The following DGKB variants were observed in gnomAD, a reference collection of about 807,000 sequenced individuals.
DGKB encodes the protein diacylglycerol kinase beta, also known as 90 kDa diacylglycerol kinase.
In DGKB, 67 loss-of-function variants were observed where a neutral mutation model predicts 114.3. The ratio of observed to expected loss-of-function variants is 0.59; its 90% CI spans 0.48 to 0.72. DGKB has a LOEUF of 0.72. Ranked by LOEUF, DGKB falls within the 30% of genes least tolerant of loss-of-function variation. The probability of loss-of-function intolerance (pLI) is 0.00; values close to 1 mark genes in which losing one functional copy is unlikely to be tolerated. For missense variants in DGKB, 907 were observed against 975.2 expected (o/e 0.93, Z 0.93); for synonymous variants, 398 against 323.1 (o/e 1.23, Z -2.49).
chr7:14,525,554 G>T (rs1002649978), intron 20 of DGKB, among the ~76,000 whole-genome samples: 1 of 152,034 alleles, frequency 6.6e-6, no homozygotes, highest in African/African-American at 2.4e-5. Context: ...CTAATGATTG[G>T]GTACATGTCC....
chr7:14,204,711 C>T, intron 23 of DGKB, among the ~76,000 whole-genome samples: 1 of 151,952 alleles, frequency 6.6e-6, no homozygotes, highest in East Asian at 1.9e-4. Flanking sequence ...TAGCCAAGAC[C>T]TGTGTTGTCA....
chr7:14,485,075 T>C (rs935764019), intron 20 of DGKB, among the ~76,000 whole-genome samples: 10 of 137,252 alleles, frequency 7.3e-5, no homozygotes, highest in South Asian at 4.9e-4. Flanking sequence ...AAAATGATAA[T>C]TACTGAAAGA....
chr7:14,477,860 C>T (rs1231601800), intron 21 of DGKB, among the ~76,000 whole-genome samples: 1 of 152,070 alleles, frequency 6.6e-6, no homozygotes. Flanking sequence ...TCATATACGT[C>T]ATGAAAACTT....
intron 3 of DGKB, among the ~76,000 whole-genome samples, chr7:14,756,237 A>G (rs1834847720): frequency 6.6e-6 from 1 of 152,044 alleles, no homozygotes; most frequent in African/African-American, 2.4e-5. Context: ...ATTGTTGTGA[A>G]TATAAATATT....
chr7:14,538,108 A>G (rs1792829752), intron 20 of DGKB, among the ~76,000 whole-genome samples: 1 of 149,618 alleles, frequency 6.7e-6, no homozygotes, highest in Non-Finnish European at 1.5e-5. Context: ...AAAAAAAAAA[A>G]AAATGGGACT....
Position 14,640,760 on chromosome 7 carries a change from T to C in DGKB, c.1135-10492A>G, listed in dbSNP as rs1811623471. Among the ~76,000 whole-genome samples the C allele has an allele frequency of 2.0e-5, 3 of 152,170 alleles. No homozygotes were observed. The South Asian group carries it at 6.2e-4, about 31-fold the overall frequency. On this transcript the variant is annotated intron_variant, in intron 13 of 25. Transcript: ENST00000402815. ...GTAAAAGTTGAGAATAAACAAGCCA[T>C]ATTTAATAGTAAAACAGAGAAAGTC...
intron 21 of DGKB, among the ~76,000 whole-genome samples, chr7:14,392,995 G>GTTTTTGTTTTTTTTTTTGTTTTT: frequency 1.7e-5 from 1 of 60,546 alleles, no homozygotes; most frequent in Non-Finnish European, 3.4e-5. Flanking sequence ...TTTTGTTTTT[G>GTTTTTGTTTTTTTTTTTGTTTTT]TTTTTTTTTT....
intron 2 of DGKB, among the ~76,000 whole-genome samples, chr7:14,823,380 T>C (rs1347522851): frequency 1.3e-5 from 2 of 152,084 alleles, no homozygotes; most frequent in Non-Finnish European, 2.9e-5. Flanking sequence ...ACATAGAATG[T>C]TTTTGCTCTG....
At chr7:14,319,136 G>T (rs1585110452) in intron 23 of DGKB, among the ~76,000 whole-genome samples, 2 of 140,696 alleles carry the variant, frequency 1.4e-5, no homozygotes, top group East Asian at 2.3e-4. Context: ...GGGGACTGTT[G>T]TGGGGTGAGG....
intron 23 of DGKB, among the ~76,000 whole-genome samples, chr7:14,207,471 C>G (rs1787020876): frequency 1.3e-5 from 2 of 151,940 alleles, no homozygotes. Flanking sequence ...CTGTGCCCAG[C>G]TTCTCTGTGG....
chr7:14,837,434 C>T (rs2128132303), intron 2 of DGKB, among the ~76,000 whole-genome samples: 1 of 152,256 alleles, frequency 6.6e-6, no homozygotes, highest in South Asian at 2.1e-4. Context: ...TGAGCTCACT[C>T]ATCTTGCCCA....
At chr7:14,738,480 A>C (rs1832075129) in intron 4 of DGKB, among the ~76,000 whole-genome samples, 3 of 152,316 alleles carry the variant, frequency 2.0e-5, no homozygotes, top group African/African-American at 4.8e-5. Flanking sequence ...TCTGTGCCTC[A>C]ATTTCTTCAT....
intron 20 of DGKB, among the ~76,000 whole-genome samples, chr7:14,520,501 C>T (rs933616434): frequency 1.3e-4 from 19 of 151,874 alleles, no homozygotes; most frequent in African/African-American, 4.3e-4. Flanking sequence ...AGCTACCTTG[C>T]ATAAAGTTTT....
At chr7:14,747,615 T>C (rs1033820060) in intron 4 of DGKB, among the ~76,000 whole-genome samples, 3 of 152,154 alleles carry the variant, frequency 2.0e-5, no homozygotes, top group African/African-American at 7.2e-5. Context: ...ATTGCTGTCA[T>C]GTAACAGCAT....
chr7:14,769,070 T>TAAGAAAGAAAGAAA lies in DGKB; in HGVS notation c.71-11353_71-11340dup, dbSNP rs1436749961. Among the ~76,000 whole-genome samples, 3 of 84,310 alleles carry TAAGAAAGAAAGAAA rather than the reference T, an allele frequency of 3.6e-5. No individual in the cohort carries two copies. In the Admixed American group the frequency reaches 4.3e-4, roughly 12 times the overall value. The allele number at this position is 84,310 out of a possible 152,430, so 55.3% of individuals were successfully genotyped here. A position where few individuals can be genotyped will look rare whatever the true frequency, so the allele number is the denominator to read the frequency against. On this transcript the variant is annotated intron_variant, in intron 2 of 25. Coordinates refer to ENST00000402815, the MANE Select transcript of DGKB (RefSeq NM_001350709.2). Reference sequence around the variant, plus strand: ...TACACTGTGTAAACATTTTTAAAGATAAGAAAGAAAGAAAGAAAGAAAGAA... The same window carrying TAAGAAAGAAAGAAA: ...TACACTGTGTAAACATTTTTAAAGATAAGAAAGAAAGAAAAAGAAAGAAAGAAAGAAAGAAAGAA...
At chr7:14,817,050 A>G (rs1308850118) in intron 2 of DGKB, among the ~76,000 whole-genome samples, 1 of 152,076 alleles carries the variant, frequency 6.6e-6, no homozygotes, top group Non-Finnish European at 1.5e-5. Context: ...ATCCAGTTCC[A>G]GTTTTTGAGA....
chr7:14,635,798 C>G (rs945509290), intron 13 of DGKB, among the ~76,000 whole-genome samples: 1 of 151,538 alleles, frequency 6.6e-6, no homozygotes, highest in South Asian at 2.1e-4. Flanking sequence ...CTGATACATA[C>G]AAATTTTATG....
At chr7:14,406,655 C>A (rs1278338510) in intron 21 of DGKB, among the ~76,000 whole-genome samples, 2 of 152,048 alleles carry the variant, frequency 1.3e-5, no homozygotes, top group Non-Finnish European at 2.9e-5. Context: ...TTAGGACTAT[C>A]TATCCCTAGG....
chr7:14,960,392 T>C (rs1433615978), intron 1 of DGKB, among the ~76,000 whole-genome samples: 2 of 152,024 alleles, frequency 1.3e-5, no homozygotes, highest in South Asian at 2.1e-4. Context: ...ACCAAATATA[T>C]TACCAGGACT....
Sources: allele counts gnomAD v4.1 joint callset (sites outside exome capture counted in the v4.1 genomes callset), GRCh38; gene constraint gnomAD v4.1.1; transcripts MANE v1.5; gene names NCBI Gene and HGNC (gene_info 2026-07-23, HGNC 2026-07-21).